APBB1IP: variants seen among roughly 807,000 people sequenced by gnomAD.
APBB1IP encodes amyloid beta precursor protein binding family B member 1 interacting protein.
Under a neutral mutation model 64.9 loss-of-function variants are expected in APBB1IP, and 27 were observed. The ratio of observed to expected loss-of-function variants is 0.42; its 90% CI spans 0.31 to 0.57. The LOEUF (loss-of-function observed/expected upper bound fraction) is 0.57, where lower values mean the gene tolerates loss of function less well. Ranked by LOEUF, APBB1IP falls within the 20% of genes least tolerant of loss-of-function variation. The pLI is 0.20. For missense variants in APBB1IP, 812 were observed against 845.5 expected, an observed-to-expected ratio of 0.96 and a Z score of 0.49; for synonymous variants, 392 against 331.0, an observed-to-expected ratio of 1.18 and a Z score of -2.00.
chr10:26,546,290 G>A (rs1345479931), intron 11 of APBB1IP, among the ~76,000 whole-genome samples: 2 of 152,194 alleles, frequency 1.3e-5, no homozygotes, highest in Non-Finnish European at 2.9e-5. Context: ...ATTAACCAGT[G>A]GTTCTCAAAC....
chr10:26,443,054 G>A (rs1002698907), intron 2 of APBB1IP, among the ~76,000 whole-genome samples: 5 of 152,108 alleles, frequency 3.3e-5, no homozygotes, highest in Admixed American at 1.3e-4. Context: ...TAAGTACCAC[G>A]GAAATTGTGC....
intron 7 of APBB1IP, among the ~76,000 whole-genome samples, chr10:26,512,280 T>C (rs950227692): frequency 1.3e-5 from 2 of 152,222 alleles, no homozygotes; most frequent in Non-Finnish European, 2.9e-5. Flanking sequence ...TACTGCTGCT[T>C]CTCTAGTGGT....
chr10:26,515,351 G>C (rs1836313378), intron 8 of APBB1IP, among the ~76,000 whole-genome samples: 1 of 152,122 alleles, frequency 6.6e-6, no homozygotes, highest in African/African-American at 2.4e-5. Flanking sequence ...TTCGATATGT[G>C]GTTTCCATCT....
chr10:26,444,082 C>G (rs546363898), intron 2 of APBB1IP, among the ~76,000 whole-genome samples: 62 of 152,238 alleles, frequency 4.1e-4, no homozygotes, highest in Non-Finnish European at 7.3e-4. Context: ...TGGGCCCTTT[C>G]GTTTGCAGGA....
At chr10:26,491,045 G>A (rs1231344664) in intron 2 of APBB1IP, among the ~76,000 whole-genome samples, 2 of 152,086 alleles carry the variant, frequency 1.3e-5, no homozygotes, top group Non-Finnish European at 2.9e-5. Context: ...TTGGGAAGTC[G>A]AGGCGAGTGG....
intron 6 of APBB1IP, 125 bp from the exon 7 acceptor site, chr10:26,511,622 G>A: frequency 8.7e-7 from 1 of 1,145,258 alleles, no homozygotes; most frequent in East Asian, 2.5e-5. Context: ...TAGTTTAGAT[G>A]GAGCAAGTTC....
chr10:26,476,611 C>T (rs1462853510), intron 2 of APBB1IP, among the ~76,000 whole-genome samples: 1 of 151,862 alleles, frequency 6.6e-6, no homozygotes, highest in Non-Finnish European at 1.5e-5. Context: ...TTATTTTTTT[C>T]ACCATTTATC....
At chr10:26,462,190 T>TA (rs966643917) in intron 2 of APBB1IP, among the ~76,000 whole-genome samples, 2 of 152,074 alleles carry the variant, frequency 1.3e-5, no homozygotes, top group African/African-American at 2.4e-5. Context: ...TTGTCCCTTA[T>TA]AAAAAAAAGT....
At chr10:26,504,059 G>A (rs1018711009) in intron 6 of APBB1IP, among the ~76,000 whole-genome samples, 5 of 152,146 alleles carry the variant, frequency 3.3e-5, no homozygotes, top group Non-Finnish European at 7.4e-5. Context: ...AGCAGGTGGC[G>A]CCACCTTTGG....
chr10:26,448,849 C>A (rs1414286), intron 2 of APBB1IP, among the ~76,000 whole-genome samples: 58,987 of 151,978 alleles, frequency 0.39, 11,634 homozygotes, highest in South Asian at 0.5. Flanking sequence ...AGGATGCCCT[C>A]AACCCACATC....
At chr10:26,455,610 A>G (rs961340305) in intron 2 of APBB1IP, among the ~76,000 whole-genome samples, 16 of 152,162 alleles carry the variant, frequency 1.1e-4, no homozygotes, top group African/African-American at 3.6e-4. Flanking sequence ...TATGTGAAAC[A>G]CATATAAAAT....
At chr10:26,445,377 C>A (rs1443852433) in intron 2 of APBB1IP, among the ~76,000 whole-genome samples, 1 of 152,078 alleles carries the variant, frequency 6.6e-6, no homozygotes, top group Non-Finnish European at 1.5e-5. Flanking sequence ...AAGTGGAAAG[C>A]AAGAAATGAA....
rs138781851 is a variant in APBB1IP, at chr10:26,459,608, C to T, written c.-1+20755C>T. Reference sequence around the variant, plus strand: ...ATCCTCTCCAGCACCTGTTGTTTCCCGACTTTTTTATTTTCTAGGTAGTTT... The same window carrying T: ...ATCCTCTCCAGCACCTGTTGTTTCCTGACTTTTTTATTTTCTAGGTAGTTT... On this transcript the variant is annotated intron_variant, in intron 2 of 14. Transcript: ENST00000376236. 2.0e-3 allele frequency among the ~76,000 whole-genome samples: 310 copies of T among 152,206 alleles called. 6 individuals carry two copies. In the South Asian group the frequency reaches 0.027, roughly 13 times the overall value.
chr10:26,450,047 A>T (rs1328602408), intron 2 of APBB1IP, among the ~76,000 whole-genome samples: 1 of 152,126 alleles, frequency 6.6e-6, no homozygotes, highest in Non-Finnish European at 1.5e-5. Context: ...CCTGTCAGAA[A>T]TGGTAGTATG....
chr10:26,454,545 G>A (rs1835500816), intron 2 of APBB1IP, among the ~76,000 whole-genome samples: 1 of 122,448 alleles, frequency 8.2e-6, no homozygotes, highest in Non-Finnish European at 1.6e-5. Context: ...GAGGTAGAGA[G>A]TAGAAGGATG....
At chr10:26,534,152 GTATC>G (rs1229498566) in intron 9 of APBB1IP, among the ~76,000 whole-genome samples, 3 of 151,940 alleles carry the variant, frequency 2.0e-5, no homozygotes, top group Admixed American at 2.0e-4. Flanking sequence ...TTTTCACATA[GTATC>G]TATGTTAAAA....
At chr10:26,442,067 G>C (rs1004710338) in intron 2 of APBB1IP, among the ~76,000 whole-genome samples, 4 of 152,124 alleles carry the variant, frequency 2.6e-5, no homozygotes, top group Non-Finnish European at 5.9e-5. Flanking sequence ...TCCACAATGA[G>C]TTTATAGTCT....
intron 2 of APBB1IP, among the ~76,000 whole-genome samples, chr10:26,458,941 C>A (rs1048220023): frequency 2.6e-5 from 4 of 151,160 alleles, no homozygotes; most frequent in African/African-American, 9.8e-5. Context: ...CTTTTCTTTT[C>A]TTTTATTATT....
chr10:26,523,655 C>T (rs977128317), intron 8 of APBB1IP, among the ~76,000 whole-genome samples: 3 of 151,476 alleles, frequency 2.0e-5, no homozygotes, highest in African/African-American at 4.9e-5. Flanking sequence ...CATGGAGGGG[C>T]GGGGGGACAC....
Sources: gnomAD v4.1 joint callset for allele counts (sites outside exome capture counted in the v4.1 genomes callset) on GRCh38, gnomAD v4.1.1 for gene constraint, MANE v1.5 for transcripts, NCBI Gene and HGNC (gene_info 2026-07-23, HGNC 2026-07-21) for gene names.